Variants in KCNQ1 observed in about 807,000 individuals in gnomAD.
KCNQ1 encodes the protein potassium voltage-gated channel subfamily KQT member 1.
A neutral mutation model predicts 72.4 loss-of-function variants in KCNQ1; 49 were observed. The ratio of observed to expected loss-of-function variants is 0.68; its 90% CI spans 0.54 to 0.86. The LOEUF (loss-of-function observed/expected upper bound fraction) is 0.86. KCNQ1 is among the 40% of genes least tolerant of loss of function. KCNQ1 has a pLI of 0.00. For missense variants in KCNQ1, 790 were observed against 945.1 expected, an observed-to-expected ratio of 0.84 and a Z score of 2.15; for synonymous variants, 450 against 412.6, an observed-to-expected ratio of 1.09 and a Z score of -1.10.
In KCNQ1 at chr11:2,674,073, C is replaced by T. The variant is rs960865497; in HGVS notation, c.1514+11992C>T. 4.5e-5 allele frequency: 18 copies of T among 398,342 alleles called. No individual in the cohort carries two copies. The highest frequency in any genetic ancestry group is 4.4e-5 in the Non-Finnish European group (10 of 226,108). The allele number at this position is 398,342 out of a possible 1,614,324, so 24.7% of individuals were successfully genotyped here. A position where few individuals can be genotyped will look rare whatever the true frequency, so the allele number is the denominator to read the frequency against. On this transcript the variant is annotated intron_variant, in intron 11 of 15. Coordinates refer to ENST00000155840, the MANE Select transcript of KCNQ1 (RefSeq NM_000218.3). The surrounding 1 kb of genome is among the most constrained non-coding windows in gnomAD (Gnocchi z 5.9). ...GTACTTGCTGGCTGCCCCATGGGGG[C>T]TTGGGCTAGGTCTCCCTGCCGGTGG... is the stretch of plus-strand genomic sequence containing the variant.
At chr11:2,700,856 C>T (rs1039740937) in intron 11 of KCNQ1, among the ~76,000 whole-genome samples, 2 of 152,164 alleles carry the variant, frequency 1.3e-5, no homozygotes, top group African/African-American at 4.8e-5. Context: ...CGCTGGCGCG[C>T]GCCTTCTGAA....
intron 1 of KCNQ1, among the ~76,000 whole-genome samples, chr11:2,470,618 C>A (rs1230684111): frequency 6.6e-6 from 1 of 151,250 alleles, no homozygotes; most frequent in Non-Finnish European, 1.5e-5. Context: ...GATACGTATC[C>A]AACCGCACAT....
At chr11:2,524,537 G>A (rs1428048285) in intron 1 of KCNQ1, among the ~76,000 whole-genome samples, 5 of 152,236 alleles carry the variant, frequency 3.3e-5, no homozygotes, top group African/African-American at 9.6e-5. Flanking sequence ...GAGCAGGGGC[G>A]TGGGTAGCGG....
intron 1 of KCNQ1, among the ~76,000 whole-genome samples, chr11:2,517,501 C>T (rs373009968): frequency 3.9e-5 from 6 of 152,160 alleles, no homozygotes; most frequent in East Asian, 3.9e-4. Context: ...TGGCCTGTGG[C>T]GCCTCACCTC....
chr11:2,682,741 C>G lies in KCNQ1; in HGVS notation c.1514+20660C>G. On this transcript the variant is annotated intron_variant, in intron 11 of 15. Coordinates refer to ENST00000155840, the MANE Select transcript of KCNQ1 (RefSeq NM_000218.3). This position sits in a 1 kb window ranked among gnomAD's most constrained non-coding sequence, Gnocchi z 5.8. ...CATAAAGAATCTCTTCCCCTTGAGC[C>G]CACTCATCTCTGTTGACATTCTAGA... The G allele has an allele frequency of 2.5e-6, 1 of 398,652 alleles. No homozygotes were observed. The highest frequency in any genetic ancestry group is 4.4e-6 in the Non-Finnish European group (1 of 226,102). The allele number at this position is 398,652 out of a possible 1,614,324, so 24.7% of individuals were successfully genotyped here.
At chr11:2,833,684 A>G (rs141513740) in intron 15 of KCNQ1, among the ~76,000 whole-genome samples, 1 of 152,196 alleles carries the variant, frequency 6.6e-6, no homozygotes, top group African/African-American at 2.4e-5. Flanking sequence ...GTGAGCAAAC[A>G]CCAGGTCCCA....
At chr11:2,779,951 A>G (rs892496879) in intron 15 of KCNQ1, among the ~76,000 whole-genome samples, 1 of 152,236 alleles carries the variant, frequency 6.6e-6, no homozygotes, top group Non-Finnish European at 1.5e-5. Context: ...TTTAAGAACA[A>G]GGCTGGGGCC....
chr11:2,451,076 G>T lies in KCNQ1; in HGVS notation c.386+5592G>T, dbSNP rs1565025572. ...GGCATGGTGCTTCCAGAAGGATCCA[G>T]GTTAAGGGTGGTGGGTCCAAGGGGG... On this transcript the variant is annotated intron_variant, in intron 1 of 15. Transcript: ENST00000155840. The surrounding 1 kb of genome is among the most constrained non-coding windows in gnomAD (Gnocchi z 6.4). 6.6e-6 allele frequency among the ~76,000 whole-genome samples: 1 copy of T among 152,186 alleles called. No individual in the cohort carries two copies. The highest frequency in any genetic ancestry group is 1.5e-5 in the Non-Finnish European group (1 of 68,034).
In KCNQ1 at chr11:2,626,535, TTTTG is replaced by T. The variant is rs1280525303; in HGVS notation, c.1394-35418_1394-35415del. On this transcript the variant is annotated intron_variant, in intron 10 of 15. Coordinates refer to ENST00000155840, the MANE Select transcript of KCNQ1 (RefSeq NM_000218.3). This position sits in a 1 kb window ranked among gnomAD's most constrained non-coding sequence, Gnocchi z 4.0. ...CTGTAGCTTCGTAATAAGTTGGGGTTTTTGTTTGTTTTTCAGACATTCTTACTCT... is the reference window on the plus strand; with the variant it reads ...CTGTAGCTTCGTAATAAGTTGGGGTTTTTGTTTTTCAGACATTCTTACTCT... 2 of 398,452 alleles carry T rather than the reference TTTTG, an allele frequency of 5.0e-6. No homozygotes were observed. The highest frequency in any genetic ancestry group is 8.8e-6 in the Non-Finnish European group (2 of 226,088). 24.7% of individuals were successfully genotyped at this position (398,452 alleles called of 1,614,324 possible).
Position 2,562,647 on chromosome 11 carries a change from G to A in KCNQ1, c.478-7981G>A, listed in dbSNP as rs1419521485. 1.3e-5 allele frequency among the ~76,000 whole-genome samples: 2 copies of A among 152,134 alleles called. No homozygotes were observed. The highest frequency in any genetic ancestry group is 6.5e-5 in the Admixed American group (1 of 15,282). On this transcript the variant is annotated intron_variant, in intron 2 of 15. Transcript: ENST00000155840. This position sits in a 1 kb window ranked among gnomAD's most constrained non-coding sequence, Gnocchi z 7.5. ...GTCCACCCCTCTTCAGAGTCTCCAG[G>A]CCCCATCTTGGCCTGATGAGGCCTC... is the stretch of plus-strand genomic sequence containing the variant.
chr11:2,786,948 T>TG (rs1846925843), intron 15 of KCNQ1, among the ~76,000 whole-genome samples: 3 of 120,968 alleles, frequency 2.5e-5, no homozygotes, highest in Non-Finnish European at 3.7e-5. Flanking sequence ...ATTTCGTTTC[T>TG]GTTTTTTTTT....
At position 2,614,459 on chromosome 11, in the gene KCNQ1, ATC is replaced by A. The variant is rs1428213994; in HGVS notation, c.1393+25608_1393+25609del. 3 of 398,346 alleles carry A rather than the reference ATC, an allele frequency of 7.5e-6. No homozygotes were observed. In the East Asian group the frequency reaches 1.1e-4, roughly 14 times the overall value. The allele number at this position is 398,346 out of a possible 1,614,324, so 24.7% of individuals were successfully genotyped here. A position where few individuals can be genotyped will look rare whatever the true frequency, so the allele number is the denominator to read the frequency against. On this transcript the variant is annotated intron_variant, in intron 10 of 15. Coordinates refer to ENST00000155840, the MANE Select transcript of KCNQ1 (RefSeq NM_000218.3). ...TGTCTTTTCTAAGAATTTATTTCCA[ATC>A]TCAAGTCATAAAGATTTACTCCTGT... is the stretch of plus-strand genomic sequence containing the variant.
Position 2,815,950 on chromosome 11 carries a change from G to A in KCNQ1, c.1795-31817G>A, listed in dbSNP as rs899325752. On this transcript the variant is annotated intron_variant, in intron 15 of 15. Transcript: ENST00000155840. This position sits in a 1 kb window ranked among gnomAD's most constrained non-coding sequence, Gnocchi z 5.4. ...ACCTGTCAGGGTGGAGGGGACTTGGGGGACCAGCCAGCTGGATATGTTCCC... is the reference window on the plus strand; with the variant it reads ...ACCTGTCAGGGTGGAGGGGACTTGGAGGACCAGCCAGCTGGATATGTTCCC... 1.3e-5 allele frequency among the ~76,000 whole-genome samples: 2 copies of A among 152,246 alleles called. No individual in the cohort carries two copies. Among genetic ancestry groups the A allele is most frequent in the Non-Finnish European group, 1.5e-5 (1 of 68,040 alleles).
In KCNQ1 at chr11:2,843,782, A is replaced by T. The variant is rs572894594; in HGVS notation, c.1795-3985A>T. On this transcript the variant is annotated intron_variant, in intron 15 of 15. Transcript: ENST00000155840. Reference sequence around the variant, plus strand: ...ATCGCCGGCCGCCCGGGGCTCTCTAACTAGCTGTTATTCTAATTGCTTTTT... The same window carrying T: ...ATCGCCGGCCGCCCGGGGCTCTCTATCTAGCTGTTATTCTAATTGCTTTTT... 7.2e-5 allele frequency among the ~76,000 whole-genome samples: 11 copies of T among 152,316 alleles called. No homozygotes were observed. The East Asian group carries it at 2.1e-3, about 29-fold the overall frequency.
intron 10 of KCNQ1, among the ~76,000 whole-genome samples, chr11:2,607,521 T>G (rs529048561): frequency 6.6e-6 from 1 of 152,320 alleles, no homozygotes; most frequent in African/African-American, 2.4e-5. Flanking sequence ...GCTCCTTTTT[T>G]TCTTCCGTCA....
rs752108333 is a variant in KCNQ1, at chr11:2,768,828, C to T, written c.1515-16C>T. ...AGGGTGGCCACTCACAATCTCCTCT[C>T]CTCTCTCCACTGCAGGCTGCGGGAA... is the stretch of plus-strand genomic sequence containing the variant. On this transcript the variant is annotated splice_polypyrimidine_tract_variant and intron_variant, in intron 11 of 15. Coordinates refer to ENST00000155840, the MANE Select transcript of KCNQ1 (RefSeq NM_000218.3). This position sits in a 1 kb window ranked among gnomAD's most constrained non-coding sequence, Gnocchi z 6.7. The T allele has an allele frequency of 2.9e-5, 46 of 1,611,956 alleles. No individual in the cohort carries two copies. The highest frequency in any genetic ancestry group is 3.7e-5 in the Non-Finnish European group (44 of 1,178,050).
Position 2,652,805 on chromosome 11 carries a change from C to T in KCNQ1, c.1394-9156C>T, listed in dbSNP as rs1849777751. On this transcript the variant is annotated intron_variant, in intron 10 of 15. Coordinates refer to ENST00000155840, the MANE Select transcript of KCNQ1 (RefSeq NM_000218.3). The surrounding 1 kb of genome is among the most constrained non-coding windows in gnomAD (Gnocchi z 5.9). ...CGCTACTCAGACCCCACCCTTGGGC[C>T]TGCAGAGACATTTCCGTTCACTCTG... The T allele has an allele frequency of 2.5e-6, 1 of 399,078 alleles. No individual in the cohort carries two copies. The highest frequency in any genetic ancestry group is 4.4e-6 in the Non-Finnish European group (1 of 226,428). 24.7% of individuals were successfully genotyped at this position (399,078 alleles called of 1,614,324 possible). A position where few individuals can be genotyped will look rare whatever the true frequency, so the allele number is the denominator to read the frequency against.
chr11:2,659,245 G>T lies in KCNQ1; in HGVS notation c.1394-2716G>T, dbSNP rs890547315. The T allele has an allele frequency of 2.5e-6, 1 of 398,510 alleles. No individual in the cohort carries two copies. Among genetic ancestry groups the T allele is most frequent in the Non-Finnish European group, 4.4e-6 (1 of 226,078 alleles). The allele number at this position is 398,510 out of a possible 1,614,324, so 24.7% of individuals were successfully genotyped here. A position where few individuals can be genotyped will look rare whatever the true frequency, so the allele number is the denominator to read the frequency against. On this transcript the variant is annotated intron_variant, in intron 10 of 15. Transcript: ENST00000155840. This position sits in a 1 kb window ranked among gnomAD's most constrained non-coding sequence, Gnocchi z 4.3. The stretch of plus-strand genomic sequence containing the variant: ...CATACCCCTAAAAATACCCTGGGGT[G>T]AGTCTTTTGAAGTCAAGTACTTCTC...
At chr11:2,474,248 G>A (rs995588482) in intron 1 of KCNQ1, among the ~76,000 whole-genome samples, 1 of 152,190 alleles carries the variant, frequency 6.6e-6, no homozygotes. Context: ...TCCTGGTGGT[G>A]ACCAGTGGTG....
Sources: allele counts gnomAD v4.1 joint callset (sites outside exome capture counted in the v4.1 genomes callset), GRCh38; gene constraint gnomAD v4.1.1; non-coding constraint Gnocchi (gnomAD v3.1); transcripts MANE v1.5; gene names NCBI Gene and HGNC (gene_info 2026-07-23, HGNC 2026-07-21).